Variants in DACH1 observed in about 807,000 individuals in gnomAD.
DACH1 encodes the protein dachshund family transcription factor 1.
Under a neutral mutation model 54.2 loss-of-function variants are expected in DACH1, and 12 were observed. The observed-to-expected ratio is 0.22, with a 90% CI of 0.14 to 0.36. The LOEUF is 0.36. Among genes scored for constraint, DACH1 ranks in the 10% least tolerant of loss-of-function variants. The pLI, the probability that DACH1 is intolerant of heterozygous loss-of-function variation, is 1.00. For missense variants in DACH1, 805 were observed against 929.8 expected (o/e 0.87, Z 1.75); for synonymous variants, 386 against 366.2 (o/e 1.05, Z -0.62).
chr13:71,704,300 A>T, intron 1 of DACH1: 1 of 325,518 alleles, frequency 3.1e-6, no homozygotes, highest in South Asian at 3.5e-5. Flanking sequence ...TATTGTAGAC[A>T]TCAAGAGAAT....
At chr13:71,500,447 A>C (rs918049939) in intron 6 of DACH1, among the ~76,000 whole-genome samples, 1 of 152,162 alleles carries the variant, frequency 6.6e-6, no homozygotes, top group Non-Finnish European at 1.5e-5. Flanking sequence ...ACGATTCTCA[A>C]ATAATACCCC....
At chr13:71,508,429 T>A (rs915358907) in intron 6 of DACH1, among the ~76,000 whole-genome samples, 4 of 152,092 alleles carry the variant, frequency 2.6e-5, no homozygotes, top group Admixed American at 1.3e-4. Flanking sequence ...TTTATATGCA[T>A]GGAAGACAGA....
chr13:71,686,591 G>T (rs1881176470), intron 1 of DACH1, among the ~76,000 whole-genome samples: 1 of 152,182 alleles, frequency 6.6e-6, no homozygotes, highest in South Asian at 2.1e-4. Flanking sequence ...AAGAGCAAGA[G>T]ATGTTAGAGT....
chr13:71,734,985 A>G (rs1883948031), intron 1 of DACH1, among the ~76,000 whole-genome samples: 1 of 149,336 alleles, frequency 6.7e-6, no homozygotes, highest in African/African-American at 2.5e-5. Flanking sequence ...CACAGGATAT[A>G]TATATATATA....
chr13:71,640,051 T>A (rs538204864), intron 2 of DACH1, among the ~76,000 whole-genome samples: 1 of 152,138 alleles, frequency 6.6e-6, no homozygotes, highest in African/African-American at 2.4e-5. Flanking sequence ...GGTTAATCAT[T>A]TCTGTAAAGT....
chr13:71,501,616 T>C (rs1370054943), intron 6 of DACH1, among the ~76,000 whole-genome samples: 1 of 152,162 alleles, frequency 6.6e-6, no homozygotes, highest in Non-Finnish European at 1.5e-5. Flanking sequence ...TGGGTAGGCA[T>C]ATGGGAATTC....
chr13:71,511,303 T>C (rs1880757462), intron 6 of DACH1, among the ~76,000 whole-genome samples: 1 of 151,908 alleles, frequency 6.6e-6, no homozygotes, highest in South Asian at 2.1e-4. Context: ...AAAAAATTTG[T>C]GGGAATTTGT....
chr13:71,524,352 AT>A (rs1434997149), intron 6 of DACH1, among the ~76,000 whole-genome samples: 1 of 152,132 alleles, frequency 6.6e-6, no homozygotes, highest in Non-Finnish European at 1.5e-5. Flanking sequence ...ATTTATGGAT[AT>A]TTCAATTAAT....
chr13:71,441,365 T>G (rs1370181332), intron 10 of DACH1, among the ~76,000 whole-genome samples: 1 of 152,028 alleles, frequency 6.6e-6, no homozygotes, highest in African/African-American at 2.4e-5. Context: ...TCCATTTGAA[T>G]GAAGCACTAA....
At chr13:71,702,404 A>G (rs1396603488) in intron 1 of DACH1, among the ~76,000 whole-genome samples, 1 of 152,218 alleles carries the variant, frequency 6.6e-6, no homozygotes, top group African/African-American at 2.4e-5. Context: ...TTGTATAAAC[A>G]TCTACCTTCA....
At chr13:71,648,789 T>C (rs962498827) in intron 2 of DACH1, among the ~76,000 whole-genome samples, 3 of 152,046 alleles carry the variant, frequency 2.0e-5, no homozygotes, top group Non-Finnish European at 2.9e-5. Context: ...AAAGGTATGG[T>C]ATAGAGGTGT....
chr13:71,502,355 C>A (rs1347539341), intron 6 of DACH1, among the ~76,000 whole-genome samples: 1 of 152,104 alleles, frequency 6.6e-6, no homozygotes, highest in Non-Finnish European at 1.5e-5. Flanking sequence ...AAAATTCTAA[C>A]CATGAGTATA....
intron 10 of DACH1, among the ~76,000 whole-genome samples, chr13:71,460,382 G>T (rs1875968818): frequency 6.6e-6 from 1 of 152,046 alleles, no homozygotes; most frequent in South Asian, 2.1e-4. Context: ...GACTCTTGTG[G>T]TGAGTGTGAA....
intron 2 of DACH1, among the ~76,000 whole-genome samples, chr13:71,659,414 T>C (rs1566412961): frequency 6.6e-6 from 1 of 152,184 alleles, no homozygotes; most frequent in African/African-American, 2.4e-5. Context: ...GTATTTCCAA[T>C]GATGAAGTCC....
At chr13:71,708,683 G>A (rs1241712876) in intron 1 of DACH1, among the ~76,000 whole-genome samples, 1 of 151,936 alleles carries the variant, frequency 6.6e-6, no homozygotes, top group Non-Finnish European at 1.5e-5. Flanking sequence ...AGCCTACAGT[G>A]ATTCTTGTAA....
At chr13:71,528,552 C>G (rs893303461) in intron 6 of DACH1, among the ~76,000 whole-genome samples, 3 of 151,452 alleles carry the variant, frequency 2.0e-5, no homozygotes, top group Non-Finnish European at 4.4e-5. Flanking sequence ...CTCAGCCTCC[C>G]GAGTAGCTGG....
chr13:71,576,963 G>T (rs550479068), intron 3 of DACH1, among the ~76,000 whole-genome samples: 52 of 152,098 alleles, frequency 3.4e-4, no homozygotes, highest in Non-Finnish European at 6.9e-4. Flanking sequence ...ACTCCTTTAG[G>T]CCATTGACAT....
rs1167871695 is a variant in DACH1, at chr13:71,552,842, T to TAGAGAG, written c.1570+4176_1570+4181dup. ...ATATATATATATATATATATATATA[T>TAGAGAG]AGAGAGAGAGAGAGAGAGAGAGAGA... On this transcript the variant is annotated intron_variant, in intron 6 of 10. Coordinates refer to ENST00000613252, the MANE Select transcript of DACH1 (RefSeq NM_080759.6). Among the ~76,000 whole-genome samples, 82 of 12,516 alleles carry TAGAGAG rather than the reference T, an allele frequency of 6.6e-3. 1 individual carries two copies. The highest frequency in any genetic ancestry group is 9.9e-3 in the Admixed American group (8 of 810). 8.2% of individuals were successfully genotyped at this position (12,516 alleles called of 152,430 possible).
chr13:71,570,670 G>A (rs773976982), intron 4 of DACH1, among the ~76,000 whole-genome samples: 7 of 152,128 alleles, frequency 4.6e-5, no homozygotes, highest in South Asian at 2.1e-4. Flanking sequence ...AACATAAAAC[G>A]ACCTCACTTT....
Sources: allele counts gnomAD v4.1 joint callset (sites outside exome capture counted in the v4.1 genomes callset), GRCh38; gene constraint gnomAD v4.1.1; transcripts MANE v1.5; gene names NCBI Gene and HGNC (gene_info 2026-07-23, HGNC 2026-07-21).